RNF111: variants seen among roughly 807,000 people sequenced by gnomAD.
RNF111 encodes ring finger protein 111.
Under a neutral mutation model 95.1 loss-of-function variants are expected in RNF111, and 17 were observed. That is an observed-to-expected ratio of 0.18 (90% CI 0.12 to 0.27). The LOEUF is 0.27. RNF111 is among the 10% of genes least tolerant of loss of function. RNF111 has a pLI of 1.00. For missense variants in RNF111, 1,189 were observed against 1,210.4 expected (o/e 0.98, Z 0.26); for synonymous variants, 440 against 414.8 (o/e 1.06, Z -0.74).
intron 2 of RNF111, among the ~76,000 whole-genome samples, chr15:59,037,549 A>T (rs1053194867): frequency 6.6e-6 from 1 of 152,146 alleles, no homozygotes; most frequent in Non-Finnish European, 1.5e-5. Context: ...TAAAATTAAT[A>T]GGTATTGCCG....
At chr15:59,067,391 G>C (rs1474256507) in intron 6 of RNF111, among the ~76,000 whole-genome samples, 1 of 151,360 alleles carries the variant, frequency 6.6e-6, no homozygotes, top group East Asian at 1.9e-4. Flanking sequence ...TTAGATGGCT[G>C]GAAAACCCAG....
intron 1 of RNF111, among the ~76,000 whole-genome samples, chr15:59,020,031 T>G (rs367876952): frequency 1.0e-3 from 152 of 151,522 alleles, no homozygotes; most frequent in African/African-American, 3.6e-3. Flanking sequence ...GGTTAATGGA[T>G]TTTTGAGTTT....
intron 6 of RNF111, among the ~76,000 whole-genome samples, chr15:59,071,257 C>G (rs1426889245): frequency 6.8e-6 from 1 of 147,272 alleles, no homozygotes; most frequent in African/African-American, 2.5e-5. Context: ...CGAGATTGCA[C>G]CACTGCACTC....
At chr15:58,989,010 T>G (rs960619163) in intron 1 of RNF111, among the ~76,000 whole-genome samples, 1 of 152,346 alleles carries the variant, frequency 6.6e-6, no homozygotes, top group African/African-American at 2.4e-5. Context: ...AAGAACAAAC[T>G]GGGAAAAACA....
chr15:59,010,548 C>G (rs1463644521), intron 1 of RNF111, among the ~76,000 whole-genome samples: 1 of 151,982 alleles, frequency 6.6e-6, no homozygotes, highest in Non-Finnish European at 1.5e-5. Context: ...ATTACAGGTG[C>G]CCACCACCAC....
At chr15:59,073,428 C>T (rs990363125) in intron 6 of RNF111, among the ~76,000 whole-genome samples, 1 of 151,716 alleles carries the variant, frequency 6.6e-6, no homozygotes, top group African/African-American at 2.4e-5. Flanking sequence ...TTGCAGTGAG[C>T]CAAGATTGCA....
intron 1 of RNF111, among the ~76,000 whole-genome samples, chr15:59,030,278 G>GA (rs1163520521): frequency 1.5e-4 from 23 of 151,180 alleles, no homozygotes; most frequent in African/African-American, 4.6e-4. Flanking sequence ...TAGTATGAAG[G>GA]AAAAAAAATA....
intron 1 of RNF111, among the ~76,000 whole-genome samples, chr15:59,021,749 G>T (rs1397710305): frequency 6.6e-6 from 1 of 152,110 alleles, no homozygotes; most frequent in African/African-American, 2.4e-5. Flanking sequence ...CTACATCACT[G>T]TTCACTGTTT....
intron 2 of RNF111, among the ~76,000 whole-genome samples, chr15:59,033,368 G>A (rs1009516976): frequency 6.6e-6 from 1 of 152,012 alleles, no homozygotes; most frequent in Non-Finnish European, 1.5e-5. Context: ...CTTAGGCTTG[G>A]CCATGTTCAG....
intron 9 of RNF111, 156 bp downstream of exon 9, chr15:59,084,410 G>A: frequency 1.6e-6 from 1 of 642,952 alleles, no homozygotes; most frequent in South Asian, 4.9e-5. Flanking sequence ...ATAGAGGTTT[G>A]GAGAGGAAAG....
At chr15:59,053,864 A>G (rs1028432616) in intron 3 of RNF111, among the ~76,000 whole-genome samples, 5 of 124,910 alleles carry the variant, frequency 4.0e-5, no homozygotes, top group Admixed American at 8.1e-5. Flanking sequence ...CCATTGTTAT[A>G]TCTCTTATTG....
At chr15:59,069,853 A>G (rs1305722521) in intron 6 of RNF111, among the ~76,000 whole-genome samples, 3 of 152,000 alleles carry the variant, frequency 2.0e-5, no homozygotes, top group Admixed American at 6.6e-5. Flanking sequence ...GATTTTGTAG[A>G]TATCTTATGT....
chr15:59,006,844 T>C (rs1302210468), intron 1 of RNF111, among the ~76,000 whole-genome samples: 1 of 152,236 alleles, frequency 6.6e-6, no homozygotes, highest in Non-Finnish European at 1.5e-5. Context: ...TGGAGTGCAA[T>C]GGCATGATCT....
At chr15:59,040,432 C>G (rs1018817121) in intron 2 of RNF111, among the ~76,000 whole-genome samples, 1 of 152,094 alleles carries the variant, frequency 6.6e-6, no homozygotes, top group Non-Finnish European at 1.5e-5. Context: ...CCATGCCTAG[C>G]ACATTTTGAC....
chr15:59,066,132 C>T (rs573865356), intron 5 of RNF111, among the ~76,000 whole-genome samples: 3 of 152,018 alleles, frequency 2.0e-5, no homozygotes, highest in Non-Finnish European at 2.9e-5. Context: ...TGGAAGGACT[C>T]GTATTTTTAA....
intron 1 of RNF111, among the ~76,000 whole-genome samples, chr15:59,016,455 A>G (rs1005873771): frequency 6.6e-6 from 1 of 152,122 alleles, no homozygotes; most frequent in Non-Finnish European, 1.5e-5. Context: ...TCTTTCCATC[A>G]TCCTAAATTG....
At chr15:59,008,023 A>T (rs1282025403) in intron 1 of RNF111, among the ~76,000 whole-genome samples, 12 of 152,078 alleles carry the variant, frequency 7.9e-5, no homozygotes, top group African/African-American at 2.7e-4. Flanking sequence ...CAAGCTTACT[A>T]ATTTTTTTAA....
chr15:59,007,460 T>C (rs928797661), intron 1 of RNF111, among the ~76,000 whole-genome samples: 2 of 152,242 alleles, frequency 1.3e-5, no homozygotes, highest in African/African-American at 4.8e-5. Flanking sequence ...TAACATAATT[T>C]ATCCATTCAC....
At chr15:59,052,284 G>GT (rs11394653) in intron 2 of RNF111, 21 bp from the exon 3 acceptor site, 68,738 of 1,544,694 alleles carry the variant, frequency 0.044, 4,918 homozygotes, top group African/African-American at 0.33. Flanking sequence ...GCCTTTAAAT[G>GT]TTTTTTCTTT....
Sources: gnomAD v4.1 joint callset for allele counts (sites outside exome capture counted in the v4.1 genomes callset) on GRCh38, gnomAD v4.1.1 for gene constraint, MANE v1.5 for transcripts, NCBI Gene and HGNC (gene_info 2026-07-23, HGNC 2026-07-21) for gene names.